Variants in PI4KA observed in about 807,000 individuals in gnomAD.
PI4KA encodes the protein phosphatidylinositol 4-kinase alpha.
Under a neutral mutation model 271.4 loss-of-function variants are expected in PI4KA, and 122 were observed. That is an observed-to-expected ratio of 0.45 (90% CI 0.39 to 0.52). The LOEUF (loss-of-function observed/expected upper bound fraction) is 0.52. PI4KA is among the 20% of genes least tolerant of loss of function. The pLI is 0.00. For synonymous variants in PI4KA, 1,041 were observed against 1,078.8 expected, an observed-to-expected ratio of 0.96 and a Z score of 0.69; for missense variants, 1,969 against 2,769.1, an observed-to-expected ratio of 0.71 and a Z score of 6.48.
At chr22:20,765,272 T>C (rs768235518) in intron 20 of PI4KA, 36 bp from the exon 21 acceptor site, 2 of 1,571,690 alleles carry the variant, frequency 1.3e-6, no homozygotes, top group Admixed American at 1.8e-5. Context: ...GAAATCACCT[T>C]GGTCGGAAAG....
chr22:20,836,586 T>C (rs370827785), intron 2 of PI4KA, among the ~76,000 whole-genome samples: 2 of 152,126 alleles, frequency 1.3e-5, no homozygotes, highest in African/African-American at 4.8e-5. Context: ...CCACAGCTGC[T>C]ACCATGGCAG....
chr22:20,772,697 T>A (rs1203414374), intron 19 of PI4KA, among the ~76,000 whole-genome samples: 1 of 152,170 alleles, frequency 6.6e-6, no homozygotes, highest in African/African-American at 2.4e-5. Context: ...CCAAACATGC[T>A]CTTGAGGAGC....
At chr22:20,714,603 G>A (rs199966910) in intron 46 of PI4KA, 25 bp downstream of exon 46, 467 of 1,613,934 alleles carry the variant, frequency 2.9e-4, no homozygotes, top group Non-Finnish European at 3.8e-4. Context: ...GTGGAAGTGG[G>A]GGATGGGTAG....
Position 20,717,744 on chromosome 22 carries a change from A to C in PI4KA, c.5281T>G (p.Cys1761Gly). ...YPKGDERKKA[C>G]LSALSEVKVQ... The stretch of plus-strand genomic sequence containing the variant: ...TTCACTTCAGACAGGGCCGACAGAC[A>C]AGCCTTCTTTCTCTCGTCGCCTTTA... The change falls in exon 45 of 55, where the codon TGT (cysteine) becomes GGT (glycine). Residue 1761 changes from cysteine (C) to glycine (G), a missense_variant. Coordinates refer to ENST00000255882, the MANE Select transcript of PI4KA (RefSeq NM_058004.4). The C allele has an allele frequency of 6.3e-7, 1 of 1,580,236 alleles. No individual in the cohort carries two copies. The highest frequency in any genetic ancestry group is 8.6e-7 in the Non-Finnish European group (1 of 1,161,352).
Position 20,709,377 on chromosome 22 carries a change from T to A in PI4KA, c.6176A>T (p.His2059Leu). Reference sequence around the variant, plus strand: ...CTCAGTCATGTTGGGGCTAAACCTGTGCCTGGGGGAGAGGCTGTGTCAGGG... The same window carrying A: ...CTCAGTCATGTTGGGGCTAAACCTGAGCCTGGGGGAGAGGCTGTGTCAGGG... ...FRGQTIKLLK[H>L]RFSPNMTERE... The change falls in exon 54 of 55, where the codon CAC becomes CTC. Residue 2059 changes from histidine to leucine, a missense_variant and splice_region_variant. His to Leu is a moderately conservative substitution (Grantham distance 99, BLOSUM62 -3). Transcript: ENST00000255882. 2 of 1,333,160 alleles carry A rather than the reference T, an allele frequency of 1.5e-6. 1 individual carries two copies. The highest frequency in any genetic ancestry group is 2.4e-5 in the South Asian group (2 of 81,886). The allele number at this position is 1,333,160 out of a possible 1,614,324, so 82.6% of individuals were successfully genotyped here.
intron 1 of PI4KA, among the ~76,000 whole-genome samples, chr22:20,855,182 C>T (rs1193546330): frequency 4.0e-5 from 6 of 150,972 alleles, no homozygotes; most frequent in Admixed American, 3.3e-4. Flanking sequence ...AGAAACTTTT[C>T]CTTGGGAATG....
intron 19 of PI4KA, among the ~76,000 whole-genome samples, chr22:20,773,117 G>A (rs1281048230): frequency 6.6e-6 from 1 of 152,038 alleles, no homozygotes; most frequent in African/African-American, 2.4e-5. Flanking sequence ...CAGGCGTGGT[G>A]GCTCACGCAT....
chr22:20,779,493 A>G (rs372583557), intron 19 of PI4KA: 1 of 1,614,160 alleles, frequency 6.2e-7, no homozygotes, highest in Non-Finnish European at 8.5e-7. Context: ...CGACTTCCAC[A>G]AGGAAAACAC....
chr22:20,836,308 G>A (rs1924860505), intron 2 of PI4KA, among the ~76,000 whole-genome samples: 1 of 152,184 alleles, frequency 6.6e-6, no homozygotes, highest in African/African-American at 2.4e-5. Flanking sequence ...GATGTATTAA[G>A]CACTAAGTCT....
intron 4 of PI4KA, among the ~76,000 whole-genome samples, chr22:20,821,729 T>C (rs773919282): frequency 5.3e-5 from 8 of 152,046 alleles, no homozygotes; most frequent in Non-Finnish European, 1.0e-4. Flanking sequence ...GCAGCTGGGA[T>C]TGCAGGCATG....
chr22:20,751,646 G>A (rs1930706141), intron 26 of PI4KA, 28 bp downstream of exon 26: 1 of 1,584,270 alleles, frequency 6.3e-7, no homozygotes. Flanking sequence ...GGTGGTGTTT[G>A]GGCCCTAGGT....
chr22:20,727,817 C>G lies in PI4KA; in HGVS notation c.4730G>C (p.Arg1577Pro), dbSNP rs1350274510. 1 of 1,614,130 alleles carries G rather than the reference C, an allele frequency of 6.2e-7. No homozygotes were observed. The highest frequency in any genetic ancestry group is 1.1e-5 in the South Asian group (1 of 91,066). ...ATCACTAACGGCTCCCGGGTCCAACCGAACGAGACGGGTCACTTCGTTCCC... is the reference window on the plus strand; with the variant it reads ...ATCACTAACGGCTCCCGGGTCCAACGGAACGAGACGGGTCACTTCGTTCCC... ...AIGNEVTRLV[R>P]LDPGAVSDVP... The change falls in exon 40 of 55, where the codon CGG becomes CCG. Residue 1577 changes from arginine (R) to proline (P), a missense_variant. Physicochemically the swap from Arg to Pro is moderately radical, Grantham distance 103. Around this residue, in one of 13 missense-constraint regions of PI4KA, gnomAD observed 388 missense variants for 521.5 expected, o/e 0.74. Coordinates refer to ENST00000255882, the MANE Select transcript of PI4KA (RefSeq NM_058004.4).
chr22:20,730,025 C>T lies in PI4KA; in HGVS notation c.4289-14G>A, dbSNP rs1197999051. On this transcript the variant is annotated splice_polypyrimidine_tract_variant and intron_variant, in intron 36 of 54. Transcript: ENST00000255882. ...TGTCCTGATTATCTGAGGGCAAACA[C>T]ATTGTTGATTCTAGAGTGAGGTGGC... The T allele has an allele frequency of 1.9e-6, 3 of 1,613,690 alleles. No individual in the cohort carries two copies. Among genetic ancestry groups the T allele is most frequent in the Middle Eastern group, 3.3e-4 (2 of 6,084 alleles).
chr22:20,830,491 T>C lies in PI4KA; in HGVS notation c.367+4071A>G, dbSNP rs550246702. On this transcript the variant is annotated intron_variant, in intron 3 of 54. Coordinates refer to ENST00000255882, the MANE Select transcript of PI4KA (RefSeq NM_058004.4). ...CCTGCTCTTTTTTCCATTTTCCATT[T>C]GCTTGGCAGATTTTTTTCATCCTTT... 1.7e-3 allele frequency among the ~76,000 whole-genome samples: 258 copies of C among 152,326 alleles called. 2 individuals carry two copies. The highest frequency in any genetic ancestry group is 6.0e-3 in the African/African-American group (249 of 41,582).
chr22:20,751,440 TG>T, intron 26 of PI4KA, 64 bp from the exon 27 acceptor site: 1 of 1,383,292 alleles, frequency 7.2e-7, no homozygotes, highest in Non-Finnish European at 1.0e-6. Context: ...AGCAACCACA[TG>T]GGCCACCCCT....
rs769368940 is a variant in PI4KA, at chr22:20,765,093, T to C, written c.2574+7A>G. ...GAGCATGGTAAAAATGAGATGTGAA[T>C]CCTTACGGGGGTGACCGTGTCATTC... On this transcript the variant is annotated splice_region_variant and intron_variant, in intron 21 of 54. Coordinates refer to ENST00000255882, the MANE Select transcript of PI4KA (RefSeq NM_058004.4). 2 of 1,608,366 alleles carry C rather than the reference T, an allele frequency of 1.2e-6. No individual in the cohort carries two copies. Among genetic ancestry groups the C allele is most frequent in the Non-Finnish European group, 1.7e-6 (2 of 1,176,394 alleles).
intron 3 of PI4KA, among the ~76,000 whole-genome samples, chr22:20,826,291 A>T (rs1923414527): frequency 6.6e-6 from 1 of 152,186 alleles, no homozygotes; most frequent in Non-Finnish European, 1.5e-5. Flanking sequence ...TGCAGTGAGC[A>T]GAGATCGCAC....
chr22:20,715,770 G>A (rs1469704570), intron 45 of PI4KA, among the ~76,000 whole-genome samples: 6 of 152,310 alleles, frequency 3.9e-5, no homozygotes, highest in East Asian at 1.9e-4. Context: ...CACCGCGCCC[G>A]GCCAACATTG....
chr22:20,767,128 ATAAG>A (rs1478339600), intron 19 of PI4KA, among the ~76,000 whole-genome samples: 1 of 152,224 alleles, frequency 6.6e-6, no homozygotes, highest in Non-Finnish European at 1.5e-5. Context: ...GGACATTTAA[ATAAG>A]TAATGGTATA....
Sources: allele counts gnomAD v4.1 joint callset (sites outside exome capture counted in the v4.1 genomes callset), GRCh38; gene constraint gnomAD v4.1.1; regional missense constraint gnomAD v4.1.1; transcripts MANE v1.5; gene names NCBI Gene and HGNC (gene_info 2026-07-23, HGNC 2026-07-21).